Variants in VNN2 observed in about 807,000 individuals in gnomAD.
The protein encoded by VNN2 is pantetheine hydrolase VNN2.
Under a neutral mutation model 43.0 loss-of-function variants are expected in VNN2, and 43 were observed. The observed-to-expected ratio is 1.00, with a 90% confidence interval of 0.78 to 1.29. The LOEUF (loss-of-function observed/expected upper bound fraction) is 1.29. VNN2 is among the 50% of genes most tolerant of loss of function. VNN2 has a pLI of 0.00. For missense variants in VNN2, 652 were observed against 619.7 expected (o/e 1.05, Z -0.55); for synonymous variants, 230 against 224.3 (o/e 1.03, Z -0.23).
At chr6:132,756,310 A>G (rs1051772110) in intron 2 of VNN2, among the ~76,000 whole-genome samples, 1 of 152,276 alleles carries the variant, frequency 6.6e-6, no homozygotes, top group African/African-American at 2.4e-5. Context: ...AATATCCTCT[A>G]GTACCTCCCA....
intron 4 of VNN2, among the ~76,000 whole-genome samples, chr6:132,751,845 A>C (rs572831832): frequency 6.6e-6 from 1 of 152,304 alleles, no homozygotes; most frequent in South Asian, 2.1e-4. Context: ...ATTCTCCCCT[A>C]TTCCTCATTG....
In VNN2 at chr6:132,743,896, A is replaced by G. The variant is rs1055437378; in HGVS notation, c.*404T>C. Reference sequence around the variant, plus strand: ...GAATTCAAATAGTCTTTAATGTCAAAGGGAATTCAGTCATAAACCTCTAAA... The same window carrying G: ...GAATTCAAATAGTCTTTAATGTCAAGGGGAATTCAGTCATAAACCTCTAAA... On this transcript the variant is annotated 3_prime_UTR_variant, in exon 7 of 7. Coordinates refer to ENST00000326499, the MANE Select transcript of VNN2 (RefSeq NM_004665.6). The G allele has an allele frequency of 1.3e-5, 2 of 153,882 alleles. No homozygotes were observed. The highest frequency in any genetic ancestry group is 4.8e-5 in the African/African-American group (2 of 41,524). 9.5% of individuals were successfully genotyped at this position (153,882 alleles called of 1,614,324 possible).
chr6:132,761,826 G>A (rs772851039), upstream of VNN2, among the ~76,000 whole-genome samples: 3 of 152,052 alleles, frequency 2.0e-5, no homozygotes, highest in Non-Finnish European at 4.4e-5. Context: ...AAGCATAGGG[G>A]TGTAGTTTCT....
chr6:132,755,902 G>A lies in VNN2; in HGVS notation c.478C>T (p.Gln160Ter). 6.2e-7 allele frequency: 1 copy of A among 1,613,970 alleles called. No individual in the cohort carries two copies. The highest frequency in any genetic ancestry group is 1.1e-5 in the South Asian group (1 of 90,978). Residue 160 changes from glutamine to a stop codon, truncating the protein, a stop_gained, in exon 3 of 7, where the codon CAA (glutamine) becomes TAA (stop). Transcript: ENST00000326499. LOFTEE classifies it high-confidence loss of function. ...DSTCPPNGYF[Q>*]YNTNVVYNTE... The stretch of plus-strand genomic sequence containing the variant: ...TTATACACCACATTGGTATTGTATT[G>A]AAAGTAGCCATTAGGAGGACATGTG...
At chr6:132,754,824 G>A (rs997316205) in intron 3 of VNN2, among the ~76,000 whole-genome samples, 1 of 152,176 alleles carries the variant, frequency 6.6e-6, no homozygotes, top group Non-Finnish European at 1.5e-5. Flanking sequence ...ATTAACTTAT[G>A]CAAAGCTGAT....
At chr6:132,749,519 A>C (rs780502183) in intron 6 of VNN2, among the ~76,000 whole-genome samples, 176 bp downstream of exon 6, 2 of 152,174 alleles carry the variant, frequency 1.3e-5, no homozygotes, top group Non-Finnish European at 2.9e-5. Flanking sequence ...CTCAGACCAG[A>C]AAAACAGCCT....
At chr6:132,759,588 AG>A (rs1194325242), upstream of VNN2, among the ~76,000 whole-genome samples, 2 of 152,226 alleles carry the variant, frequency 1.3e-5, no homozygotes, top group Non-Finnish European at 2.9e-5. Flanking sequence ...CTTTGGTAAA[AG>A]TCACGGAAAT....
In VNN2 at chr6:132,744,273, G is replaced by A. The variant is rs1447676707; in HGVS notation, c.*27C>T. 1 of 1,580,328 alleles carries A rather than the reference G, an allele frequency of 6.3e-7. No homozygotes were observed. The highest frequency in any genetic ancestry group is 8.6e-7 in the Non-Finnish European group (1 of 1,166,796). ...AAACACATTCAGCCAAGCATATGAT[G>A]CAGAAGCTGAGTGATAAAGAGACGC... On this transcript the variant is annotated 3_prime_UTR_variant, in exon 7 of 7. Transcript: ENST00000326499.
rs1360170293 is a variant in VNN2 at position 132,751,475 on chromosome 6, A to T, written c.870T>A (p.Tyr290Ter). 1 of 1,613,954 alleles carries T rather than the reference A, an allele frequency of 6.2e-7. No homozygotes were observed. The highest frequency in any genetic ancestry group is 2.2e-5 in the East Asian group (1 of 44,892). ...YAPNGPKVYH[Y>*]DMKTELGKLL... ...GTTTTCCCAACTCTGTCTTCATGTC[A>T]TAATGATACACTTTGGGACCATTTG... The change falls in exon 5 of 7, where the codon TAT (tyrosine) becomes TAA (stop). Residue 290 changes from tyrosine to a stop codon, truncating the protein, a stop_gained. Transcript: ENST00000326499. LOFTEE classifies it high-confidence loss of function.
At position 132,744,411 on chromosome 6, in the gene VNN2, G is replaced by A; in HGVS notation, c.1452C>T (p.Tyr484=). ...ATGAGCTGTAAAGTGAGTCCTTTGTGTACCACCTCCCAAAGAGTGACACTG... is the reference window on the plus strand; with the variant it reads ...ATGAGCTGTAAAGTGAGTCCTTTGTATACCACCTCCCAAAGAGTGACACTG... ...ILTVSLFGRW[Y]TKDSLYSSCG... is the part of the protein sequence containing the mutation. Residue 484 remains tyrosine (Y), a synonymous_variant, in exon 7 of 7, where the codon TAC becomes TAT. Coordinates refer to ENST00000326499, the MANE Select transcript of VNN2 (RefSeq NM_004665.6). The A allele has an allele frequency of 1.2e-6, 2 of 1,613,502 alleles. No individual in the cohort carries two copies. Among genetic ancestry groups the A allele is most frequent in the South Asian group, 2.2e-5 (2 of 90,982 alleles).
At chr6:132,752,353 C>T in intron 4 of VNN2, 108 bp downstream of exon 4, 1 of 1,300,792 alleles carries the variant, frequency 7.7e-7, no homozygotes, top group South Asian at 1.6e-5. Context: ...CTATGACAAA[C>T]ACAGTAAGAA....
At position 132,751,328 on chromosome 6, in the gene VNN2, T is replaced by C. The variant is rs1240525523; in HGVS notation, c.1017A>G (p.Gly339=). The part of the protein sequence containing the change: ...PFPVQKNTFR[G]FISRDGFNFT... The stretch of plus-strand genomic sequence containing the variant: ...AGTTGAACCCATCCCTGGAAATAAA[T>C]CCCCTGAAAGTGTTTTTCTGTACTG... Residue 339 remains glycine (G), a synonymous_variant, in exon 5 of 7, where the codon GGA becomes GGG. Transcript: ENST00000326499. 1 of 1,614,100 alleles carries C rather than the reference T, an allele frequency of 6.2e-7. No homozygotes were observed. The highest frequency in any genetic ancestry group is 8.5e-7 in the Non-Finnish European group (1 of 1,180,002).
At chr6:132,763,090 G>A (rs995349552) in intron 1 of VNN2, among the ~76,000 whole-genome samples, 8 of 152,074 alleles carry the variant, frequency 5.3e-5, no homozygotes, top group African/African-American at 1.9e-4. Context: ...AAAGCTTTTG[G>A]TAAAGTCGGG....
intron 5 of VNN2, among the ~76,000 whole-genome samples, chr6:132,750,217 C>A (rs1287655887): frequency 6.6e-6 from 1 of 151,956 alleles, no homozygotes. Flanking sequence ...TTTTTTCCAC[C>A]CTTTAATCTC....
chr6:132,753,015 A>T, intron 3 of VNN2: 1 of 357,146 alleles, frequency 2.8e-6, no homozygotes, highest in East Asian at 4.8e-5. Context: ...CCCCCCATAA[A>T]CCCCAAAGTC....
chr6:132,744,136 A>T lies in VNN2; in HGVS notation c.*164T>A, dbSNP rs1779579367. 2 of 581,450 alleles carry T rather than the reference A, an allele frequency of 3.4e-6. No homozygotes were observed. Among genetic ancestry groups the T allele is most frequent in the Non-Finnish European group, 2.7e-6 (1 of 365,124 alleles). 36.0% of individuals were successfully genotyped at this position (581,450 alleles called of 1,614,324 possible). On this transcript the variant is annotated 3_prime_UTR_variant, in exon 7 of 7. Coordinates refer to ENST00000326499, the MANE Select transcript of VNN2 (RefSeq NM_004665.6). ...CAGAGTAGCCAAAAAAATGGACAAC[A>T]TTATCATAATACTTAAAAAATAATT... is the stretch of plus-strand genomic sequence containing the variant.
chr6:132,750,359 GC>G (rs1163573348), intron 5 of VNN2, among the ~76,000 whole-genome samples: 1 of 151,828 alleles, frequency 6.6e-6, no homozygotes, highest in African/African-American at 2.4e-5. Context: ...GCAATACAAG[GC>G]CAGGTGTGGT....
intron 6 of VNN2, among the ~76,000 whole-genome samples, chr6:132,747,680 A>T (rs1037105628): frequency 1.5e-4 from 23 of 152,222 alleles, no homozygotes; most frequent in Non-Finnish European, 3.1e-4. Context: ...TACAAATACT[A>T]TGGAGTTAAG....
chr6:132,762,310 A>T (rs904848641), upstream of VNN2, among the ~76,000 whole-genome samples: 28 of 152,190 alleles, frequency 1.8e-4, no homozygotes, highest in African/African-American at 6.5e-4. Flanking sequence ...CTGAGAAACA[A>T]AGAATGGGAA....
Sources: allele counts gnomAD v4.1 joint callset (sites outside exome capture counted in the v4.1 genomes callset), GRCh38; gene constraint gnomAD v4.1.1; transcripts MANE v1.5; gene names NCBI Gene and HGNC (gene_info 2026-07-23, HGNC 2026-07-21).